Variants in CHST15 observed in about 807,000 individuals in gnomAD.
CHST15 encodes carbohydrate sulfotransferase 15.
A neutral mutation model predicts 53.6 loss-of-function variants in CHST15; 30 were observed. The observed-to-expected ratio is 0.56, with a 90% CI of 0.42 to 0.76. The LOEUF (loss-of-function observed/expected upper bound fraction) is 0.76, where lower values mean the gene tolerates loss of function less well. Ranked by LOEUF, CHST15 falls within the 30% of genes least tolerant of loss-of-function variation. The pLI is 0.00. For missense variants in CHST15, 627 were observed against 740.5 expected (o/e 0.85, Z 1.78); for synonymous variants, 296 against 289.8 (o/e 1.02, Z -0.22).
At chr10:124,044,509 G>A (rs1198128541) in intron 3 of CHST15, 71 bp downstream of exon 3, 5 of 1,278,342 alleles carry the variant, frequency 3.9e-6, no homozygotes, top group Non-Finnish European at 5.2e-6. Context: ...CAACCCCAGC[G>A]CTAACGTTGC....
intron 1 of CHST15, among the ~76,000 whole-genome samples, chr10:124,084,646 C>T (rs771627522): frequency 6.6e-6 from 1 of 152,192 alleles, no homozygotes; most frequent in South Asian, 2.1e-4. Context: ...GAGGAAGACA[C>T]CACACAGAGG....
intron 6 of CHST15, among the ~76,000 whole-genome samples, chr10:124,017,870 C>CCGTA (rs1946639125): frequency 6.6e-6 from 1 of 152,224 alleles, no homozygotes; most frequent in Non-Finnish European, 1.5e-5. Context: ...CACTTCCCAT[C>CCGTA]CGTACTCTGA....
At chr10:124,061,996 C>T (rs1439063898) in intron 1 of CHST15, among the ~76,000 whole-genome samples, 2 of 144,540 alleles carry the variant, frequency 1.4e-5, no homozygotes, top group Non-Finnish European at 3.0e-5. Context: ...TTCCTCCAGA[C>T]ATACTATAAA....
intron 7 of CHST15, chr10:124,010,635 T>G: frequency 1.0e-6 from 1 of 985,446 alleles, no homozygotes; most frequent in Non-Finnish European, 1.2e-6. Flanking sequence ...AAGGATTCCC[T>G]TCCAATTGCC....
At chr10:124,077,187 C>T (rs1395393529) in intron 1 of CHST15, among the ~76,000 whole-genome samples, 10 of 152,184 alleles carry the variant, frequency 6.6e-5, no homozygotes, top group Non-Finnish European at 1.2e-4. Flanking sequence ...ACTTAGAGAA[C>T]GGCATTCCAC....
intron 5 of CHST15, among the ~76,000 whole-genome samples, chr10:124,023,861 G>A (rs1449885293): frequency 9.1e-6 from 1 of 109,982 alleles, no homozygotes; most frequent in Non-Finnish European, 1.9e-5. Context: ...TTTTTTTTTT[G>A]AAGCGGAGTT....
At chr10:124,027,154 G>A (rs1022199676) in intron 5 of CHST15, among the ~76,000 whole-genome samples, 13 of 152,192 alleles carry the variant, frequency 8.5e-5, no homozygotes, top group African/African-American at 2.4e-4. Context: ...TCTGTGCTGC[G>A]GTTATTTTAG....
intron 1 of CHST15, among the ~76,000 whole-genome samples, chr10:124,062,511 C>T (rs1389682554): frequency 6.6e-6 from 1 of 152,204 alleles, no homozygotes; most frequent in East Asian, 1.9e-4. Flanking sequence ...AGATTAACGG[C>T]AGTACCGACC....
At chr10:124,065,803 T>G (rs1948735638) in intron 1 of CHST15, among the ~76,000 whole-genome samples, 1 of 152,210 alleles carries the variant, frequency 6.6e-6, no homozygotes. Flanking sequence ...TTGTTTTGTT[T>G]TGACCCATTC....
intron 1 of CHST15, among the ~76,000 whole-genome samples, chr10:124,069,277 C>G (rs140130110): frequency 1.8e-3 from 280 of 152,268 alleles, no homozygotes; most frequent in Non-Finnish European, 1.4e-3. Context: ...AGGCTCAGCT[C>G]TAGTACAAAT....
At chr10:124,012,130 C>T (rs1193242862) in intron 7 of CHST15, among the ~76,000 whole-genome samples, 1 of 152,192 alleles carries the variant, frequency 6.6e-6, no homozygotes, top group Non-Finnish European at 1.5e-5. Flanking sequence ...CAGAGAATCC[C>T]TCACCATACT....
intron 1 of CHST15, among the ~76,000 whole-genome samples, chr10:124,073,688 G>C (rs1564908629): frequency 6.6e-6 from 1 of 152,242 alleles, no homozygotes; most frequent in East Asian, 1.9e-4. Context: ...GCATGAATGA[G>C]CCAATGCAGG....
intron 1 of CHST15, among the ~76,000 whole-genome samples, chr10:124,053,160 G>T (rs1373161273): frequency 1.3e-5 from 2 of 152,228 alleles, no homozygotes; most frequent in Non-Finnish European, 2.9e-5. Flanking sequence ...TGCATTATTG[G>T]TCTCAATTTT....
At position 124,056,640 on chromosome 10, in the gene CHST15, T is replaced by C. The variant is rs1948390998; in HGVS notation, c.-512-9916A>G. Reference sequence around the variant, plus strand: ...TCAGTTACCTTTGCAGCTGAGACAATGGACAGGAATGGAACTGGCCCCATG... The same window carrying C: ...TCAGTTACCTTTGCAGCTGAGACAACGGACAGGAATGGAACTGGCCCCATG... On this transcript the variant is annotated intron_variant, in intron 1 of 7. Transcript: ENST00000435907. 2.0e-5 allele frequency among the ~76,000 whole-genome samples: 3 copies of C among 152,132 alleles called. 1 individual carries two copies. The highest frequency in any genetic ancestry group is 4.1e-4 in the South Asian group (2 of 4,836).
Position 124,010,004 on chromosome 10 carries a change from A to G in CHST15, c.*145T>C. On this transcript the variant is annotated 3_prime_UTR_variant, in exon 8 of 8. Coordinates refer to ENST00000435907, the MANE Select transcript of CHST15 (RefSeq NM_001270764.2). ...TCGAACATCACGAAGGAAATTCCAA[A>G]ATGGTTATAATTCATGTGTGCCTAG... 6.7e-7 allele frequency: 1 copy of G among 1,499,288 alleles called. No individual in the cohort carries two copies. Among genetic ancestry groups the G allele is most frequent in the Non-Finnish European group, 8.9e-7 (1 of 1,128,602 alleles). 92.9% of individuals were successfully genotyped at this position (1,499,288 alleles called of 1,614,324 possible). A position where few individuals can be genotyped will look rare whatever the true frequency, so the allele number is the denominator to read the frequency against.
At position 124,011,629 on chromosome 10, in the gene CHST15, C is replaced by T. The variant is rs539459663; in HGVS notation, c.1495+704G>A. On this transcript the variant is annotated intron_variant, in intron 7 of 7. Coordinates refer to ENST00000435907, the MANE Select transcript of CHST15 (RefSeq NM_001270764.2). Reference sequence around the variant, plus strand: ...GCCCCGTCCACATGGGCAGCACTCGCTCCGCCAGCACATGCCTCTGCCAGC... The same window carrying T: ...GCCCCGTCCACATGGGCAGCACTCGTTCCGCCAGCACATGCCTCTGCCAGC... The T allele has an allele frequency of 8.1e-6, 8 of 985,468 alleles. No individual in the cohort carries two copies. The African/African-American group carries it at 1.4e-4, about 17-fold the overall frequency. 61.0% of individuals were successfully genotyped at this position (985,468 alleles called of 1,614,324 possible). A position where few individuals can be genotyped will look rare whatever the true frequency, so the allele number is the denominator to read the frequency against.
chr10:124,009,726 C>A lies in CHST15; in HGVS notation c.*423G>T, dbSNP rs1256103347. 1.3e-5 allele frequency: 13 copies of A among 1,026,844 alleles called. No homozygotes were observed. Among genetic ancestry groups the A allele is most frequent in the Non-Finnish European group, 1.5e-5 (13 of 854,424 alleles). The allele number at this position is 1,026,844 out of a possible 1,614,324, so 63.6% of individuals were successfully genotyped here. A position where few individuals can be genotyped will look rare whatever the true frequency, so the allele number is the denominator to read the frequency against. On this transcript the variant is annotated 3_prime_UTR_variant, in exon 8 of 8. Transcript: ENST00000435907. ...CATCTCTAGGGGGAAAAAAAGGGAA[C>A]GTGAAGTGTAAGTTCCAGCCAGGCC...
intron 1 of CHST15, among the ~76,000 whole-genome samples, chr10:124,069,872 T>C (rs1948858972): frequency 6.6e-6 from 1 of 152,180 alleles, no homozygotes; most frequent in African/African-American, 2.4e-5. Context: ...TTAGGTTCCA[T>C]GACATGTGGA....
intron 1 of CHST15, among the ~76,000 whole-genome samples, chr10:124,084,348 C>T (rs760022205): frequency 1.3e-5 from 2 of 152,296 alleles, no homozygotes; most frequent in East Asian, 3.9e-4. Flanking sequence ...CACCTGCATT[C>T]GGTCCTCCCC....
Sources: allele counts gnomAD v4.1 joint callset (sites outside exome capture counted in the v4.1 genomes callset), GRCh38; gene constraint gnomAD v4.1.1; transcripts MANE v1.5; gene names NCBI Gene and HGNC (gene_info 2026-07-23, HGNC 2026-07-21).